SMAP1: variants seen among roughly 807,000 people sequenced by gnomAD.
The protein encoded by SMAP1 is stromal membrane-associated protein 1.
In SMAP1, 24 loss-of-function variants were observed where a neutral mutation model predicts 58.5. The observed-to-expected ratio is 0.41, with a 90% CI of 0.30 to 0.58. The LOEUF (loss-of-function observed/expected upper bound fraction) is 0.58. Among genes scored for constraint, SMAP1 ranks in the 20% least tolerant of loss-of-function variants. SMAP1 has a pLI of 0.29. For synonymous variants in SMAP1, 216 were observed against 196.6 expected (o/e 1.10, Z -0.82); for missense variants, 563 against 566.3 (o/e 0.99, Z 0.06).
At chr6:70,854,223 CTGTTA>C (rs1241757305) in intron 8 of SMAP1, among the ~76,000 whole-genome samples, 2 of 152,174 alleles carry the variant, frequency 1.3e-5, no homozygotes, top group Non-Finnish European at 2.9e-5. Flanking sequence ...TTTTGGAACA[CTGTTA>C]TGTTGAGCAC....
intron 1 of SMAP1, among the ~76,000 whole-genome samples, chr6:70,721,950 G>A (rs1031324510): frequency 1.3e-5 from 2 of 152,168 alleles, no homozygotes; most frequent in African/African-American, 4.8e-5. Flanking sequence ...CACAATTCAA[G>A]TTGAGATTTG....
At chr6:70,787,421 A>G (rs1768100994) in intron 4 of SMAP1, among the ~76,000 whole-genome samples, 1 of 152,198 alleles carries the variant, frequency 6.6e-6, no homozygotes, top group South Asian at 2.1e-4. Flanking sequence ...ACCAAGAGCA[A>G]TGGCAACAAA....
intron 4 of SMAP1, among the ~76,000 whole-genome samples, chr6:70,784,589 C>T (rs559319041): frequency 7.5e-4 from 114 of 151,842 alleles, no homozygotes; most frequent in South Asian, 1.0e-3. Flanking sequence ...ATAGGCTCAA[C>T]ATAAAGGGAT....
At position 70,667,945 on chromosome 6, in the gene SMAP1, A is replaced by C. The variant is rs974239114; in HGVS notation, c.-79A>C. On this transcript the variant is annotated 5_prime_UTR_variant, in exon 1 of 11. Transcript: ENST00000370455. ...GTCCGCCCGCGGTCCCGGCGGCGCC[A>C]GGTGCGTTCACTCTGCCCGGCTCCA... 1.2e-5 allele frequency: 15 copies of C among 1,270,376 alleles called. No individual in the cohort carries two copies. The African/African-American group carries it at 1.3e-4, about 11-fold the overall frequency. The allele number at this position is 1,270,376 out of a possible 1,614,324, so 78.7% of individuals were successfully genotyped here. A position where few individuals can be genotyped will look rare whatever the true frequency, so the allele number is the denominator to read the frequency against.
chr6:70,847,346 G>A (rs545077518), intron 7 of SMAP1, among the ~76,000 whole-genome samples: 1 of 152,280 alleles, frequency 6.6e-6, no homozygotes, highest in East Asian at 1.9e-4. Context: ...TTGTAGCACT[G>A]ATTTTAACAA....
At chr6:70,819,707 A>G (rs952295219) in intron 6 of SMAP1, among the ~76,000 whole-genome samples, 15 of 152,222 alleles carry the variant, frequency 9.9e-5, no homozygotes, top group African/African-American at 3.6e-4. Context: ...ACAGTTTTTA[A>G]TTATAATAGA....
intron 6 of SMAP1, among the ~76,000 whole-genome samples, chr6:70,815,238 A>T (rs1769567724): frequency 6.6e-6 from 1 of 152,180 alleles, no homozygotes; most frequent in South Asian, 2.1e-4. Context: ...TAGAATACCT[A>T]CCCAGAGGAC....
intron 6 of SMAP1, among the ~76,000 whole-genome samples, chr6:70,831,424 C>A (rs765464741): frequency 2.0e-5 from 3 of 152,138 alleles, no homozygotes; most frequent in Non-Finnish European, 2.9e-5. Flanking sequence ...CTTCCACCCT[C>A]CAACCTGAAG....
intron 2 of SMAP1, among the ~76,000 whole-genome samples, chr6:70,752,562 C>A (rs1766322419): frequency 6.6e-6 from 1 of 151,924 alleles, no homozygotes; most frequent in Non-Finnish European, 1.5e-5. Context: ...TTATTTTTTT[C>A]CTGCTACTTA....
chr6:70,851,932 A>G (rs1322401349), intron 7 of SMAP1, among the ~76,000 whole-genome samples: 1 of 152,104 alleles, frequency 6.6e-6, no homozygotes, highest in Non-Finnish European at 1.5e-5. Flanking sequence ...TAAGTATTGT[A>G]TGTGTGTTTT....
At chr6:70,755,376 G>A (rs564416737) in intron 3 of SMAP1, among the ~76,000 whole-genome samples, 3 of 152,132 alleles carry the variant, frequency 2.0e-5, no homozygotes, top group African/African-American at 7.2e-5. Context: ...AGCAGTATGC[G>A]TTTGGTAGAA....
At position 70,808,813 on chromosome 6, in the gene SMAP1, C is replaced by G. The variant is rs190410010; in HGVS notation, c.576+10076C>G. On this transcript the variant is annotated intron_variant, in intron 6 of 10. Coordinates refer to ENST00000370455, the MANE Select transcript of SMAP1 (RefSeq NM_001044305.3). ...TCTCGCCTACATTAGTTACTGCTCT[C>G]TTTAATCAGGTTTTTTTTTTTTCTG... 1.5e-3 allele frequency among the ~76,000 whole-genome samples: 227 copies of G among 151,244 alleles called. 1 individual carries two copies. Among genetic ancestry groups the G allele is most frequent in the Non-Finnish European group, 1.6e-3 (106 of 67,866 alleles).
At chr6:70,815,746 C>A (rs1011229507) in intron 6 of SMAP1, among the ~76,000 whole-genome samples, 1 of 152,100 alleles carries the variant, frequency 6.6e-6, no homozygotes, top group African/African-American at 2.4e-5. Context: ...AATCCCCATA[C>A]ACTCAAGGTG....
chr6:70,861,912 T>C lies in SMAP1; in HGVS notation c.*1578T>C, dbSNP rs1347962268. The C allele has an allele frequency of 1.1e-5, 18 of 1,613,862 alleles. No homozygotes were observed. The highest frequency in any genetic ancestry group is 1.5e-5 in the Non-Finnish European group (18 of 1,179,918). ...AAAGTCAGATTCTTGCATCCCTGGCTGGGATCCACGACGCTTAAATACAGC... is the reference window on the plus strand; with the variant it reads ...AAAGTCAGATTCTTGCATCCCTGGCCGGGATCCACGACGCTTAAATACAGC... On this transcript the variant is annotated 3_prime_UTR_variant, in exon 11 of 11. Coordinates refer to ENST00000370455, the MANE Select transcript of SMAP1 (RefSeq NM_001044305.3).
intron 6 of SMAP1, among the ~76,000 whole-genome samples, chr6:70,831,982 C>T (rs1770378709): frequency 6.6e-6 from 1 of 151,910 alleles, no homozygotes; most frequent in South Asian, 2.1e-4. Flanking sequence ...GAGGTGGTGT[C>T]TCATTGTGGT....
intron 2 of SMAP1, among the ~76,000 whole-genome samples, chr6:70,752,299 G>C (rs1766312846): frequency 6.6e-6 from 1 of 152,194 alleles, no homozygotes; most frequent in Admixed American, 6.5e-5. Flanking sequence ...GCAGGACATA[G>C]TCCCAGTTCC....
intron 7 of SMAP1, among the ~76,000 whole-genome samples, chr6:70,847,942 A>G (rs1003060219): frequency 2.1e-4 from 32 of 152,204 alleles, no homozygotes; most frequent in African/African-American, 7.0e-4. Flanking sequence ...TGCACCAACA[A>G]GGTATAACCC....
At chr6:70,778,088 G>C (rs1042626049) in intron 4 of SMAP1, among the ~76,000 whole-genome samples, 2 of 152,068 alleles carry the variant, frequency 1.3e-5, no homozygotes, top group Non-Finnish European at 2.9e-5. Context: ...TTTAATTTTT[G>C]TGGGTGTATA....
At chr6:70,851,852 A>G (rs960573437) in intron 7 of SMAP1, among the ~76,000 whole-genome samples, 3 of 152,182 alleles carry the variant, frequency 2.0e-5, no homozygotes, top group African/African-American at 7.2e-5. Context: ...GCCATCACTA[A>G]AAGTGGCTGT....
Sources: gnomAD v4.1 joint callset for allele counts (sites outside exome capture counted in the v4.1 genomes callset) on GRCh38, gnomAD v4.1.1 for gene constraint, MANE v1.5 for transcripts, NCBI Gene and HGNC (gene_info 2026-07-23, HGNC 2026-07-21) for gene names.